LIMS1: variants seen among roughly 807,000 people sequenced by gnomAD.
The protein encoded by LIMS1 is LIM and senescent cell antigen-like-containing domain protein 1.
LIMS1 carries 18 observed loss-of-function variants against 44.1 expected under a neutral mutation model. The observed-to-expected ratio is 0.41, with a 90% CI of 0.28 to 0.61. The LOEUF (loss-of-function observed/expected upper bound fraction) is 0.61. Among genes scored for constraint, LIMS1 ranks in the 20% least tolerant of loss-of-function variants. The pLI, the probability that LIMS1 is intolerant of heterozygous loss-of-function variation, is 0.32. For missense variants in LIMS1, 201 were observed against 422.0 expected, an observed-to-expected ratio of 0.48 and a Z score of 4.59; for synonymous variants, 93 against 149.1, an observed-to-expected ratio of 0.62 and a Z score of 2.74.
chr2:108,607,891 T>C (rs140675451), intron 1 of LIMS1, among the ~76,000 whole-genome samples: 16 of 152,340 alleles, frequency 1.1e-4, no homozygotes, highest in African/African-American at 3.4e-4. Flanking sequence ...CTGAAAATTG[T>C]GTGCCTGTAA....
intron 9 of LIMS1, among the ~76,000 whole-genome samples, chr2:108,682,908 A>G (rs1372608682): frequency 1.3e-5 from 2 of 152,250 alleles, no homozygotes; most frequent in Admixed American, 6.5e-5. Flanking sequence ...TATTTACTCA[A>G]TTCAAAATTA....
intron 1 of LIMS1, among the ~76,000 whole-genome samples, chr2:108,590,710 T>C (rs1686340519): frequency 6.6e-6 from 1 of 152,212 alleles, no homozygotes; most frequent in African/African-American, 2.4e-5. Context: ...AGCAAAGGTT[T>C]GCAGGTCAGT....
chr2:108,607,205 G>A (rs1687317416), intron 1 of LIMS1: 4 of 1,550,952 alleles, frequency 2.6e-6, no homozygotes, highest in Non-Finnish European at 3.5e-6. Context: ...GGAGAGCTTA[G>A]CTTGGACAGC....
At chr2:108,685,932 G>A (rs700878) in exon 10 of LIMS1, 51,539 of 151,968 alleles carry the variant, frequency 0.34, 9,402 homozygotes, top group Middle Eastern at 0.52. Context: ...AAGATGCATG[G>A]CCTGAACTCG....
chr2:108,582,695 G>A (rs1685933403), intron 1 of LIMS1, among the ~76,000 whole-genome samples: 3 of 152,198 alleles, frequency 2.0e-5, no homozygotes, highest in Non-Finnish European at 4.4e-5. Flanking sequence ...TTGAATCCAG[G>A]AGGCAGAGGT....
At chr2:108,548,250 G>A (rs1263229287) in intron 1 of LIMS1, among the ~76,000 whole-genome samples, 4 of 151,860 alleles carry the variant, frequency 2.6e-5, no homozygotes, top group African/African-American at 9.7e-5. Context: ...GTGGGTGTAA[G>A]GGTAATTGCT....
At chr2:108,589,037 CATT>C (rs1177933024) in intron 1 of LIMS1, among the ~76,000 whole-genome samples, 1 of 152,052 alleles carries the variant, frequency 6.6e-6, no homozygotes, top group East Asian at 1.9e-4. Flanking sequence ...TTTTTTAAAA[CATT>C]ATTTCTGCTG....
chr2:108,555,374 A>G (rs1030500502), intron 1 of LIMS1, among the ~76,000 whole-genome samples: 6 of 152,120 alleles, frequency 3.9e-5, no homozygotes, highest in Non-Finnish European at 7.4e-5. Flanking sequence ...AGGAACCTGC[A>G]TTTTTGGTTC....
chr2:108,558,859 C>T (rs945458943), intron 1 of LIMS1, among the ~76,000 whole-genome samples: 3 of 151,548 alleles, frequency 2.0e-5, no homozygotes, highest in Non-Finnish European at 2.9e-5. Flanking sequence ...TTGGTAGAGA[C>T]GGGGTTTCAC....
chr2:108,606,950 G>T (rs1370046366), intron 1 of LIMS1, among the ~76,000 whole-genome samples: 2 of 152,262 alleles, frequency 1.3e-5, no homozygotes, highest in Non-Finnish European at 2.9e-5. Flanking sequence ...AGGTGAGTAT[G>T]CAGTAAAGGG....
chr2:108,540,504 G>C (rs1235423049), intron 1 of LIMS1, among the ~76,000 whole-genome samples: 1 of 152,100 alleles, frequency 6.6e-6, no homozygotes, highest in African/African-American at 2.4e-5. Flanking sequence ...GGCTGATAAA[G>C]TACAGATTCT....
intron 1 of LIMS1, among the ~76,000 whole-genome samples, chr2:108,555,768 T>C (rs1684906794): frequency 6.6e-6 from 1 of 152,236 alleles, no homozygotes; most frequent in Non-Finnish European, 1.5e-5. Context: ...TCAGAAGTGC[T>C]GTGTGCTGGA....
intron 1 of LIMS1, among the ~76,000 whole-genome samples, chr2:108,555,729 G>A (rs1191432185): frequency 2.6e-5 from 4 of 152,234 alleles, no homozygotes; most frequent in Non-Finnish European, 5.9e-5. Context: ...AGAATTGGGA[G>A]GCTGTCCTGA....
intron 1 of LIMS1, among the ~76,000 whole-genome samples, chr2:108,570,176 A>T (rs1685436324): frequency 6.6e-6 from 1 of 152,122 alleles, no homozygotes; most frequent in African/African-American, 2.4e-5. Flanking sequence ...CACGCCTGTA[A>T]TCCCAGCACT....
chr2:108,677,539 A>G (rs1692653340), intron 7 of LIMS1: 1 of 168,906 alleles, frequency 5.9e-6, no homozygotes, highest in Non-Finnish European at 1.2e-5. Context: ...GACCATGGAA[A>G]TGTCCTGTTC....
exon 6 of LIMS1, chr2:108,676,000 A>G (rs1251428949): frequency 6.2e-7 from 1 of 1,613,992 alleles, no homozygotes; most frequent in Admixed American, 1.7e-5. Context: ...CGCGTGGTGA[A>G]CGCTATGGGC....
At chr2:108,629,357 T>G (rs760378926) in intron 1 of LIMS1, among the ~76,000 whole-genome samples, 2 of 152,170 alleles carry the variant, frequency 1.3e-5, no homozygotes, top group Non-Finnish European at 2.9e-5. Flanking sequence ...CAGAGATATA[T>G]ATAAAGAAAG....
chr2:108,633,807 TAA>T (rs902738874), intron 1 of LIMS1, among the ~76,000 whole-genome samples: 6 of 152,154 alleles, frequency 3.9e-5, no homozygotes, highest in African/African-American at 1.4e-4. Context: ...TCAGGAAAAT[TAA>T]GTTTTATTTT....
chr2:108,560,408 T>C (rs1685072103), intron 1 of LIMS1, among the ~76,000 whole-genome samples: 1 of 152,100 alleles, frequency 6.6e-6, no homozygotes, highest in Admixed American at 6.6e-5. Flanking sequence ...TCTCATCTCC[T>C]ACTATTCTTC....
Sources: gnomAD v4.1 joint callset for allele counts (sites outside exome capture counted in the v4.1 genomes callset) on GRCh38, gnomAD v4.1.1 for gene constraint, MANE v1.5 for transcripts, NCBI Gene and HGNC (gene_info 2026-07-23, HGNC 2026-07-21) for gene names.